The following PCGF6 variants were observed in gnomAD, a reference collection of about 807,000 sequenced individuals.
The protein encoded by PCGF6 is polycomb group RING finger protein 6.
Under a neutral mutation model 45.5 loss-of-function variants are expected in PCGF6, and 24 were observed. The ratio of observed to expected loss-of-function variants is 0.53; its 90% CI spans 0.38 to 0.74. The LOEUF is 0.74. Ranked by LOEUF, PCGF6 falls within the 30% of genes least tolerant of loss-of-function variation. PCGF6 has a pLI of 0.00. For synonymous variants in PCGF6, 152 were observed against 162.1 expected, an observed-to-expected ratio of 0.94 and a Z score of 0.47; for missense variants, 356 against 443.2, an observed-to-expected ratio of 0.80 and a Z score of 1.77.
intron 6 of PCGF6, among the ~76,000 whole-genome samples, chr10:103,340,198 A>T (rs7082576): frequency 0.15 from 12,794 of 85,928 alleles, 1,058 homozygotes; most frequent in Middle Eastern, 0.19. Context: ...AAAAAAAAAA[A>T]ATATATATAT....
At chr10:103,318,974 G>A (rs1243162199) in intron 8 of PCGF6, among the ~76,000 whole-genome samples, 3 of 152,098 alleles carry the variant, frequency 2.0e-5, no homozygotes, top group Non-Finnish European at 4.4e-5. Context: ...GGAGTATCAA[G>A]AAGAGATAAC....
chr10:103,305,968 C>T (rs1325282464), intron 9 of PCGF6, among the ~76,000 whole-genome samples: 1 of 151,942 alleles, frequency 6.6e-6, no homozygotes, highest in Admixed American at 6.6e-5. Context: ...GGCAACTTAA[C>T]CCCCATACTA....
At chr10:103,312,164 C>A (rs1336704826) in intron 9 of PCGF6, among the ~76,000 whole-genome samples, 1 of 149,188 alleles carries the variant, frequency 6.7e-6, no homozygotes, top group East Asian at 2.0e-4. Flanking sequence ...GAGGCTGATG[C>A]AGGCAGATCA....
intron 6 of PCGF6, among the ~76,000 whole-genome samples, chr10:103,344,719 C>T (rs1362612869): frequency 6.6e-6 from 1 of 151,670 alleles, no homozygotes; most frequent in East Asian, 1.9e-4. Context: ...CCCGCCACCA[C>T]GCCCAGCTAA....
chr10:103,319,234 C>T (rs2093187655), intron 8 of PCGF6, among the ~76,000 whole-genome samples: 1 of 152,162 alleles, frequency 6.6e-6, no homozygotes, highest in African/African-American at 2.4e-5. Flanking sequence ...ACTGCCACCT[C>T]CGCCTCCTGG....
intron 9 of PCGF6, 37 bp downstream of exon 9, chr10:103,314,149 A>G (rs1191349718): frequency 2.4e-5 from 33 of 1,356,528 alleles, no homozygotes; most frequent in Non-Finnish European, 3.4e-5. Context: ...TTCACTAAGT[A>G]ACTTATCTGT....
At position 103,303,726 on chromosome 10, in the gene PCGF6, C is replaced by T; in HGVS notation, c.*179G>A. ...GCTTTTTATATACAGTCTCTAGTAA[C>T]AGATGCATTCCATCGTTCCAAGTTG... On this transcript the variant is annotated 3_prime_UTR_variant, in exon 10 of 10. Coordinates refer to ENST00000369847, the MANE Select transcript of PCGF6 (RefSeq NM_001011663.2). 1 of 496,076 alleles carries T rather than the reference C, an allele frequency of 2.0e-6. No individual in the cohort carries two copies. The highest frequency in any genetic ancestry group is 3.0e-5 in the East Asian group (1 of 33,148). 30.7% of individuals were successfully genotyped at this position (496,076 alleles called of 1,614,324 possible). A position where few individuals can be genotyped will look rare whatever the true frequency, so the allele number is the denominator to read the frequency against.
intron 6 of PCGF6, among the ~76,000 whole-genome samples, chr10:103,336,957 CT>C (rs2093259487): frequency 6.6e-6 from 1 of 152,092 alleles, no homozygotes; most frequent in Non-Finnish European, 1.5e-5. Flanking sequence ...ATAGTTTTGC[CT>C]TCTGGTATTG....
At chr10:103,311,786 A>C (rs2093158252) in intron 9 of PCGF6, among the ~76,000 whole-genome samples, 1 of 151,572 alleles carries the variant, frequency 6.6e-6, no homozygotes, top group South Asian at 2.1e-4. Flanking sequence ...ACCTGGATTT[A>C]CCCAATAGGC....
intron 7 of PCGF6, among the ~76,000 whole-genome samples, chr10:103,329,316 A>G (rs1417262490): frequency 1.3e-5 from 2 of 152,198 alleles, no homozygotes; most frequent in African/African-American, 4.8e-5. Context: ...CTGGGATTAC[A>G]GGCGTGAGCC....
chr10:103,334,648 A>G (rs1362537412), intron 6 of PCGF6, among the ~76,000 whole-genome samples: 1 of 152,180 alleles, frequency 6.6e-6, no homozygotes, highest in Non-Finnish European at 1.5e-5. Flanking sequence ...TTTTTGCAGA[A>G]TAATTACCTG....
chr10:103,310,692 A>C (rs908219475), intron 9 of PCGF6, among the ~76,000 whole-genome samples: 1 of 151,960 alleles, frequency 6.6e-6, no homozygotes, highest in African/African-American at 2.4e-5. Context: ...AAAAAAAAAA[A>C]TATTATTTCT....
chr10:103,338,864 G>A (rs979430170), intron 6 of PCGF6, among the ~76,000 whole-genome samples: 1 of 151,806 alleles, frequency 6.6e-6, no homozygotes, highest in African/African-American at 2.4e-5. Flanking sequence ...GTGAAACTCC[G>A]TCTCAAAAGA....
At chr10:103,319,706 T>C (rs2093189607) in intron 8 of PCGF6, among the ~76,000 whole-genome samples, 1 of 152,172 alleles carries the variant, frequency 6.6e-6, no homozygotes, top group Admixed American at 6.6e-5. Context: ...AGTAACAATA[T>C]ATAATAAATG....
At chr10:103,350,616 A>C (rs922793390) in intron 1 of PCGF6, 91 bp downstream of exon 1, 160 of 1,275,896 alleles carry the variant, frequency 1.3e-4, no homozygotes, top group Non-Finnish European at 1.6e-4. Context: ...GCGGCGGCGC[A>C]CTAGGATCGG....
chr10:103,350,336 G>A (rs1183140669), intron 1 of PCGF6, among the ~76,000 whole-genome samples: 1 of 151,822 alleles, frequency 6.6e-6, no homozygotes, highest in Non-Finnish European at 1.5e-5. Context: ...CTACTCCGGA[G>A]GCTGAGGCGG....
chr10:103,324,353 G>T (rs1412322971), intron 8 of PCGF6, among the ~76,000 whole-genome samples: 4 of 150,456 alleles, frequency 2.7e-5, no homozygotes, highest in Admixed American at 2.0e-4. Context: ...AAAAAGCAAA[G>T]CTATATAAAT....
At chr10:103,305,890 T>C (rs1251375796) in intron 9 of PCGF6, among the ~76,000 whole-genome samples, 3 of 148,354 alleles carry the variant, frequency 2.0e-5, no homozygotes, top group South Asian at 2.1e-4. Context: ...TCTCTACTTA[T>C]ATAATTTAAA....
intron 9 of PCGF6, among the ~76,000 whole-genome samples, chr10:103,313,124 A>G (rs571600520): frequency 9.2e-5 from 14 of 152,320 alleles, no homozygotes; most frequent in African/African-American, 3.4e-4. Context: ...TCCCACTCAC[A>G]TTATAGGTTA....
Sources: allele counts gnomAD v4.1 joint callset (sites outside exome capture counted in the v4.1 genomes callset), GRCh38; gene constraint gnomAD v4.1.1; transcripts MANE v1.5; gene names NCBI Gene and HGNC (gene_info 2026-07-23, HGNC 2026-07-21).